COL25A1: variants seen among roughly 807,000 people sequenced by gnomAD.
COL25A1 encodes collagen alpha-1(XXV) chain.
COL25A1 carries 103 observed loss-of-function variants against 128.4 expected under a neutral mutation model. That is an observed-to-expected ratio of 0.80 (90% CI 0.68 to 0.94). COL25A1 has a LOEUF of 0.94. COL25A1 is among the 40% of genes least tolerant of loss of function. COL25A1 has a pLI of 0.00. For missense variants in COL25A1, 745 were observed against 840.0 expected (o/e 0.89, Z 1.40); for synonymous variants, 279 against 277.2 (o/e 1.01, Z -0.06).
Position 109,120,094 on chromosome 4 carries a change from G to A in COL25A1, c.368-69915C>T, listed in dbSNP as rs146061865. On this transcript the variant is annotated intron_variant, in intron 3 of 37. Transcript: ENST00000399132. ...GTGACAAAATGCAACACCCATTAAT[G>A]ATAAAAACTCTCAGCAAATTAATAC... 3.4e-3 allele frequency among the ~76,000 whole-genome samples: 518 copies of A among 152,150 alleles called. 2 individuals are homozygous for A. Among genetic ancestry groups the A allele is most frequent in the Non-Finnish European group, 5.4e-3 (365 of 67,970 alleles).
chr4:108,841,467 G>A (rs1734456448), intron 31 of COL25A1, among the ~76,000 whole-genome samples: 1 of 152,064 alleles, frequency 6.6e-6, no homozygotes. Context: ...GTTACATAGT[G>A]ACCAGGAAAA....
chr4:109,287,006 T>C (rs953150049), intron 3 of COL25A1, among the ~76,000 whole-genome samples: 5 of 152,090 alleles, frequency 3.3e-5, no homozygotes, highest in African/African-American at 7.2e-5. Flanking sequence ...AGAAAAACCA[T>C]CTCATTGGTG....
intron 3 of COL25A1, among the ~76,000 whole-genome samples, chr4:109,185,337 C>T (rs1775035370): frequency 6.6e-6 from 1 of 152,126 alleles, no homozygotes; most frequent in South Asian, 2.1e-4. Context: ...ACATTGTGTT[C>T]AGTGCTCTAT....
chr4:109,245,187 A>G (rs1011418455), intron 3 of COL25A1, among the ~76,000 whole-genome samples: 2 of 152,098 alleles, frequency 1.3e-5, no homozygotes, highest in Admixed American at 6.6e-5. Context: ...TAAGCAAAAA[A>G]CCCCAGAACT....
At chr4:108,945,522 A>G (rs1748623676) in intron 8 of COL25A1, among the ~76,000 whole-genome samples, 1 of 151,940 alleles carries the variant, frequency 6.6e-6, no homozygotes, top group Non-Finnish European at 1.5e-5. Context: ...AACAAATAGA[A>G]TGGACATATT....
chr4:108,910,124 A>G (rs939345173), intron 13 of COL25A1, among the ~76,000 whole-genome samples: 3 of 152,202 alleles, frequency 2.0e-5, no homozygotes, highest in African/African-American at 4.8e-5. Flanking sequence ...TGTCCTTGAA[A>G]ATATATCCAT....
chr4:109,201,336 A>G (rs1404048381), intron 3 of COL25A1, among the ~76,000 whole-genome samples: 4 of 152,204 alleles, frequency 2.6e-5, no homozygotes, highest in Non-Finnish European at 5.9e-5. Context: ...CCAATTTGAC[A>G]TTTAAAAATC....
chr4:109,059,597 A>G (rs940070684), intron 3 of COL25A1, among the ~76,000 whole-genome samples: 8 of 152,232 alleles, frequency 5.3e-5, no homozygotes, highest in Non-Finnish European at 1.0e-4. Flanking sequence ...GTTCTATTTT[A>G]CAAAGTTAAA....
intron 3 of COL25A1, among the ~76,000 whole-genome samples, chr4:109,259,397 G>A (rs1018417543): frequency 6.6e-6 from 1 of 152,102 alleles, no homozygotes; most frequent in African/African-American, 2.4e-5. Context: ...CAAATATATT[G>A]TTGGTACTTC....
At chr4:109,088,019 CT>C (rs1185834784) in intron 3 of COL25A1, among the ~76,000 whole-genome samples, 1 of 150,542 alleles carries the variant, frequency 6.6e-6, no homozygotes, top group Non-Finnish European at 1.5e-5. Flanking sequence ...TCTAAGTTTC[CT>C]TTTTTATTGA....
chr4:108,974,101 T>C (rs28377675), intron 8 of COL25A1, among the ~76,000 whole-genome samples: 4,312 of 152,342 alleles, frequency 0.028, 153 homozygotes, highest in African/African-American at 0.08. Flanking sequence ...GTGGCTGCTA[T>C]TGATTCTTAG....
chr4:108,945,260 T>TA (rs934976727), intron 8 of COL25A1, among the ~76,000 whole-genome samples: 7 of 152,106 alleles, frequency 4.6e-5, no homozygotes, highest in East Asian at 1.9e-4. Flanking sequence ...TTGATGGTGG[T>TA]AAAAAAAATC....
At chr4:109,286,911 G>A (rs541446672) in intron 3 of COL25A1, among the ~76,000 whole-genome samples, 34 of 152,290 alleles carry the variant, frequency 2.2e-4, no homozygotes, top group Middle Eastern at 6.8e-3. Flanking sequence ...GGCCAGCAAG[G>A]CTCCAATAAC....
At chr4:108,978,510 T>C (rs1180401481) in intron 6 of COL25A1, among the ~76,000 whole-genome samples, 1 of 152,158 alleles carries the variant, frequency 6.6e-6, no homozygotes, top group African/African-American at 2.4e-5. Context: ...TATTTGAACA[T>C]TACCCTTTAA....
At chr4:109,190,147 A>C (rs922803570) in intron 3 of COL25A1, among the ~76,000 whole-genome samples, 1 of 152,178 alleles carries the variant, frequency 6.6e-6, no homozygotes, top group African/African-American at 2.4e-5. Context: ...AGAAGATAAT[A>C]TGTTTGTAGA....
rs778960064 is a variant in COL25A1, at chr4:108,827,138, C to A, written c.1761G>T (p.Leu587=). The A allele has an allele frequency of 6.2e-7, 1 of 1,613,702 alleles. No individual in the cohort carries two copies. The highest frequency in any genetic ancestry group is 8.5e-7 in the Non-Finnish European group (1 of 1,179,776). The stretch of plus-strand genomic sequence containing the variant: ...GTGCATGTGACCAGGAACTCACAGG[C>A]AGCCCATAGGGCCCTCTTGGTCCAG... ...GEPGPRGPYG[L]PGKDGEPGLD... Residue 587 remains leucine, a synonymous_variant, in exon 33 of 38, where the codon CTG becomes CTT. Coordinates refer to ENST00000399132, the MANE Select transcript of COL25A1 (RefSeq NM_198721.4).
At chr4:109,051,409 G>T (rs995903990) in intron 3 of COL25A1, among the ~76,000 whole-genome samples, 8 of 152,068 alleles carry the variant, frequency 5.3e-5, no homozygotes, top group Non-Finnish European at 1.0e-4. Context: ...AAAATATTAG[G>T]AGAATAAGCT....
At chr4:109,103,256 C>A (rs1280474214) in intron 3 of COL25A1, among the ~76,000 whole-genome samples, 1 of 152,154 alleles carries the variant, frequency 6.6e-6, no homozygotes, top group Non-Finnish European at 1.5e-5. Flanking sequence ...TCTTCCTTTT[C>A]TTTGCACCAA....
chr4:109,072,767 T>A (rs1201416452), intron 3 of COL25A1, among the ~76,000 whole-genome samples: 1 of 152,238 alleles, frequency 6.6e-6, no homozygotes, highest in Admixed American at 6.5e-5. Flanking sequence ...AGATGTCTTA[T>A]TACTCAATCA....
Sources: allele counts gnomAD v4.1 joint callset (sites outside exome capture counted in the v4.1 genomes callset), GRCh38; gene constraint gnomAD v4.1.1; transcripts MANE v1.5; gene names NCBI Gene and HGNC (gene_info 2026-07-23, HGNC 2026-07-21).